Variants in SDK1 observed in about 807,000 individuals in gnomAD.
The protein encoded by SDK1 is protein sidekick-1.
In SDK1, 157 loss-of-function variants were observed where a neutral mutation model predicts 245.5. The ratio of observed to expected loss-of-function variants is 0.64; its 90% CI spans 0.56 to 0.73. The LOEUF (loss-of-function observed/expected upper bound fraction) is 0.73. Ranked by LOEUF, SDK1 falls within the 30% of genes least tolerant of loss-of-function variation. The probability of loss-of-function intolerance (pLI) is 0.00; values close to 1 mark genes in which losing one functional copy is unlikely to be tolerated. For synonymous variants in SDK1, 1,647 were observed against 1,278.5 expected (o/e 1.29, Z -6.15); for missense variants, 3,583 against 3,002.3 (o/e 1.19, Z -4.52).
chr7:3,692,567 G>C (rs1417789143), intron 4 of SDK1, among the ~76,000 whole-genome samples: 1 of 151,792 alleles, frequency 6.6e-6, no homozygotes, highest in African/African-American at 2.4e-5. Context: ...TTTCAGTTAT[G>C]TCCTTCAATT....
rs1346304186 is a variant in SDK1, at chr7:3,882,727, C to CT, written c.847+61155dup. 1.6e-3 allele frequency among the ~76,000 whole-genome samples: 237 copies of CT among 147,866 alleles called. 2 individuals carry two copies. The highest frequency in any genetic ancestry group is 5.3e-3 in the African/African-American group (213 of 40,406). The stretch of plus-strand genomic sequence containing the variant: ...TTGTCACTATTTACAAATGAGCCTT[C>CT]TTTTTTTTTTTAAAAGCCAACTTGG... On this transcript the variant is annotated intron_variant, in intron 5 of 44. Transcript: ENST00000404826.
chr7:3,825,318 T>TA (rs763807672), intron 5 of SDK1, among the ~76,000 whole-genome samples: 2,227 of 71,136 alleles, frequency 0.031, 33 homozygotes, highest in Middle Eastern at 0.069. Context: ...TTTCTTCCTC[T>TA]AAAAAAAAAA....
rs887318966 is a variant in SDK1 at position 3,777,847 on chromosome 7, T to A, written c.714-43603T>A. ...ACTTTACAGAAAGTCGTCCTTAAAG[T>A]GTTGCTAAAAAATATAGGTCAATTA... On this transcript the variant is annotated intron_variant, in intron 4 of 44. Transcript: ENST00000404826. 1.1e-4 allele frequency among the ~76,000 whole-genome samples: 17 copies of A among 152,324 alleles called. No homozygotes were observed. The East Asian group carries it at 3.3e-3, about 29-fold the overall frequency.
intron 1 of SDK1, among the ~76,000 whole-genome samples, chr7:3,524,943 C>T (rs1783070717): frequency 2.0e-5 from 3 of 152,016 alleles, no homozygotes; most frequent in South Asian, 4.2e-4. Context: ...TACAATTGAC[C>T]TCCCCATGTC....
intron 28 of SDK1, among the ~76,000 whole-genome samples, chr7:4,135,510 G>A (rs1485157611): frequency 1.3e-5 from 2 of 152,240 alleles, no homozygotes; most frequent in African/African-American, 2.4e-5. Context: ...CAAGTCAGAT[G>A]GCACGAACCT....
intron 1 of SDK1, among the ~76,000 whole-genome samples, chr7:3,487,957 G>T (rs1204784706): frequency 6.6e-6 from 1 of 152,032 alleles, no homozygotes; most frequent in East Asian, 1.9e-4. Context: ...TGTAGCATCT[G>T]TGTCTGTGGT....
intron 4 of SDK1, among the ~76,000 whole-genome samples, chr7:3,771,274 T>A (rs1023180641): frequency 3.3e-5 from 5 of 152,182 alleles, no homozygotes; most frequent in Admixed American, 2.6e-4. Flanking sequence ...CCTCTTGGAA[T>A]TGGAGCTTGG....
At chr7:4,237,832 A>G in intron 42 of SDK1, 48 bp downstream of exon 42, 1 of 1,607,486 alleles carries the variant, frequency 6.2e-7, no homozygotes, top group Non-Finnish European at 8.5e-7. Flanking sequence ...CCACTCAGCC[A>G]AAACATAGCG....
intron 1 of SDK1, among the ~76,000 whole-genome samples, chr7:3,536,122 T>C (rs1291722630): frequency 6.6e-6 from 1 of 151,896 alleles, no homozygotes; most frequent in African/African-American, 2.4e-5. Flanking sequence ...AGTGGTGCGA[T>C]CTCGGCTCAC....
intron 4 of SDK1, among the ~76,000 whole-genome samples, chr7:3,729,635 C>A (rs983380169): frequency 1.3e-5 from 2 of 152,142 alleles, no homozygotes; most frequent in South Asian, 2.1e-4. Context: ...TCCCTAGACC[C>A]TGAGGCATGT....
chr7:3,702,440 G>A (rs561653214), intron 4 of SDK1, among the ~76,000 whole-genome samples: 4 of 152,230 alleles, frequency 2.6e-5, no homozygotes, highest in African/African-American at 9.6e-5. Context: ...CTCCTGCAGA[G>A]GTTTTAGCTG....
At chr7:3,829,255 T>C (rs968726283) in intron 5 of SDK1, among the ~76,000 whole-genome samples, 1 of 152,204 alleles carries the variant, frequency 6.6e-6, no homozygotes, top group African/African-American at 2.4e-5. Context: ...TTTTACAAAA[T>C]TGTTTTAGGT....
chr7:3,443,143 A>C lies in SDK1; in HGVS notation c.298+141259A>C, dbSNP rs568142315. ...TAACATGTAATTAAGAGAGTTCAAGATATTTTATGTTCTATATAGCAATGC... is the reference window on the plus strand; with the variant it reads ...TAACATGTAATTAAGAGAGTTCAAGCTATTTTATGTTCTATATAGCAATGC... On this transcript the variant is annotated intron_variant, in intron 1 of 44. Transcript: ENST00000404826. Among the ~76,000 whole-genome samples, 16 of 152,108 alleles carry C rather than the reference A, an allele frequency of 1.1e-4. No homozygotes were observed. In the East Asian group the frequency reaches 2.9e-3, roughly 28 times the overall value.
intron 4 of SDK1, among the ~76,000 whole-genome samples, chr7:3,672,844 T>G (rs1224295438): frequency 2.3e-5 from 3 of 131,732 alleles, no homozygotes; most frequent in African/African-American, 8.5e-5. Flanking sequence ...TTTGCCAAAA[T>G]AGGCACCTAC....
In SDK1 at chr7:3,631,495, C is replaced by T. The variant is rs181932453; in HGVS notation, c.459-7509C>T. ...CTAGTTAACTCCTCTTTGCTCCTGTCCTCTATGAATTGCCTAGCTTTCAAC... is the reference window on the plus strand; with the variant it reads ...CTAGTTAACTCCTCTTTGCTCCTGTTCTCTATGAATTGCCTAGCTTTCAAC... On this transcript the variant is annotated intron_variant, in intron 2 of 44. Coordinates refer to ENST00000404826, the MANE Select transcript of SDK1 (RefSeq NM_152744.4). Among the ~76,000 whole-genome samples, 703 of 152,300 alleles carry T rather than the reference C, an allele frequency of 4.6e-3. 11 individuals carry two copies. Among genetic ancestry groups the T allele is most frequent in the African/African-American group, 0.016 (669 of 41,564 alleles).
At chr7:3,552,127 C>G (rs889729690) in intron 1 of SDK1, among the ~76,000 whole-genome samples, 1 of 152,090 alleles carries the variant, frequency 6.6e-6, no homozygotes, top group South Asian at 2.1e-4. Flanking sequence ...CAAGCTCCAC[C>G]TCCCGGGTTC....
chr7:3,417,925 A>G (rs1330063382), intron 1 of SDK1, among the ~76,000 whole-genome samples: 1 of 152,130 alleles, frequency 6.6e-6, no homozygotes, highest in Non-Finnish European at 1.5e-5. Flanking sequence ...TTTGCAAAGT[A>G]TCTTATAAAA....
chr7:4,050,227 T>C (rs1789348539), intron 18 of SDK1, among the ~76,000 whole-genome samples: 1 of 152,210 alleles, frequency 6.6e-6, no homozygotes, highest in Non-Finnish European at 1.5e-5. Flanking sequence ...GAGGGTGAGT[T>C]TCCTCAGACA....
intron 22 of SDK1, among the ~76,000 whole-genome samples, chr7:4,102,673 C>A (rs1259340707): frequency 6.6e-6 from 1 of 152,192 alleles, no homozygotes; most frequent in Non-Finnish European, 1.5e-5. Flanking sequence ...GTTCCTGGTC[C>A]TGCCCTGCCC....
Sources: allele counts gnomAD v4.1 joint callset (sites outside exome capture counted in the v4.1 genomes callset), GRCh38; gene constraint gnomAD v4.1.1; transcripts MANE v1.5; gene names NCBI Gene and HGNC (gene_info 2026-07-23, HGNC 2026-07-21).